ROCK2: variants seen among roughly 807,000 people sequenced by gnomAD.
The protein encoded by ROCK2 is rho-associated protein kinase 2.
A neutral mutation model predicts 195.1 loss-of-function variants in ROCK2; 61 were observed. The observed-to-expected ratio is 0.31, with a 90% confidence interval of 0.25 to 0.39. ROCK2 has a LOEUF of 0.39. ROCK2 is among the 10% of genes least tolerant of loss of function. The pLI is 1.00. For synonymous variants in ROCK2, 504 were observed against 545.5 expected, an observed-to-expected ratio of 0.92 and a Z score of 1.06; for missense variants, 1,109 against 1,637.4, an observed-to-expected ratio of 0.68 and a Z score of 5.57.
chr2:11,272,331 T>C (rs1162803144), intron 3 of ROCK2, among the ~76,000 whole-genome samples: 1 of 152,196 alleles, frequency 6.6e-6, no homozygotes, highest in Non-Finnish European at 1.5e-5. Context: ...ACACACACAA[T>C]TATAAAGTCC....
chr2:11,260,446 TCC>T, intron 3 of ROCK2, among the ~76,000 whole-genome samples: 1 of 49,318 alleles, frequency 2.0e-5, no homozygotes. Flanking sequence ...AGACTCTGTC[TCC>T]AAAAAAAAAA....
chr2:11,264,804 A>C (rs185825115), intron 3 of ROCK2, among the ~76,000 whole-genome samples: 64 of 152,306 alleles, frequency 4.2e-4, no homozygotes, highest in Non-Finnish European at 8.2e-4. Context: ...AGAGCCTGTA[A>C]AGAAAAAATC....
At chr2:11,257,188 C>T (rs150346811) in intron 3 of ROCK2, among the ~76,000 whole-genome samples, 1 of 151,402 alleles carries the variant, frequency 6.6e-6, no homozygotes, top group Non-Finnish European at 1.5e-5. Flanking sequence ...GGCTGGTATG[C>T]GCTGGGCAGC....
chr2:11,336,396 T>G, intron 1 of ROCK2, among the ~76,000 whole-genome samples: 1 of 152,156 alleles, frequency 6.6e-6, no homozygotes, highest in East Asian at 1.9e-4. Flanking sequence ...ATCACAAGTT[T>G]GTGCCACCAT....
rs1237710966 is a variant in ROCK2 at position 11,188,399 on chromosome 2, C to T, written c.4163+3749G>A. Reference sequence around the variant, plus strand: ...TGCTGGGATTACAGGTGTGAGCCACCGCGCCCAGCCCAGACTGGTATATTT... The same window carrying T: ...TGCTGGGATTACAGGTGTGAGCCACTGCGCCCAGCCCAGACTGGTATATTT... On this transcript the variant is annotated intron_variant, in intron 32 of 32. Transcript: ENST00000315872. 7.9e-5 allele frequency among the ~76,000 whole-genome samples: 12 copies of T among 151,874 alleles called. No homozygotes were observed. The South Asian group carries it at 1.9e-3, about 24-fold the overall frequency.
At chr2:11,328,994 C>G (rs1026577983) in intron 1 of ROCK2, among the ~76,000 whole-genome samples, 1 of 151,344 alleles carries the variant, frequency 6.6e-6, no homozygotes, top group Non-Finnish European at 1.5e-5. Flanking sequence ...GTGCAGCACA[C>G]CAGCATGGCA....
At chr2:11,287,451 T>G (rs1264864242) in intron 2 of ROCK2, among the ~76,000 whole-genome samples, 1 of 152,218 alleles carries the variant, frequency 6.6e-6, no homozygotes, top group Non-Finnish European at 1.5e-5. Context: ...GAACTTTATC[T>G]GCTTTGCATA....
At chr2:11,268,466 CTGTG>C (rs938238447) in intron 3 of ROCK2, among the ~76,000 whole-genome samples, 39 of 114,440 alleles carry the variant, frequency 3.4e-4, no homozygotes, top group Middle Eastern at 9.3e-3. Flanking sequence ...AACAGTTTTA[CTGTG>C]TGTGTGTGTT....
chr2:11,253,671 T>G (rs958285687), intron 3 of ROCK2, among the ~76,000 whole-genome samples: 1 of 152,272 alleles, frequency 6.6e-6, no homozygotes, highest in Non-Finnish European at 1.5e-5. Flanking sequence ...CCAAGTACAA[T>G]GCCAGCAATG....
At position 11,218,990 on chromosome 2, in the gene ROCK2, A is replaced by C; in HGVS notation, c.1296T>G (p.Asp432Glu). The change falls in exon 10 of 33, where the codon GAT (aspartate) becomes GAG (glutamate). Residue 432 changes from aspartate to glutamate, a missense_variant. Coordinates refer to ENST00000315872, the MANE Select transcript of ROCK2 (RefSeq NM_004850.5). ...CTTCATTTTTCCTTGATTGTATGGA[A>C]TCAGTTTCTCTACAAGATGGAGAGT... ...LSDSPSCRET[D>E]SIQSRKNEES... 1 of 1,478,302 alleles carries C rather than the reference A, an allele frequency of 6.8e-7. No homozygotes were observed. Among genetic ancestry groups the C allele is most frequent in the Non-Finnish European group, 9.3e-7 (1 of 1,079,038 alleles). 91.6% of individuals were successfully genotyped at this position (1,478,302 alleles called of 1,614,324 possible).
chr2:11,315,893 C>T (rs938671884), intron 1 of ROCK2, among the ~76,000 whole-genome samples: 4 of 152,112 alleles, frequency 2.6e-5, no homozygotes, highest in Admixed American at 2.0e-4. Context: ...ACACTGCAAA[C>T]GTTCTATAAA....
At chr2:11,200,460 T>C (rs1188270447) in intron 23 of ROCK2, among the ~76,000 whole-genome samples, 1 of 152,222 alleles carries the variant, frequency 6.6e-6, no homozygotes, top group Non-Finnish European at 1.5e-5. Context: ...ACTCCCATCA[T>C]ATATACCAAG....
At position 11,183,444 on chromosome 2, in the gene ROCK2, AAAAG is replaced by A; in HGVS notation, c.4164-8_4164-5del. The A allele has an allele frequency of 6.3e-7, 1 of 1,585,844 alleles. No individual in the cohort carries two copies. Among genetic ancestry groups the A allele is most frequent in the South Asian group, 1.1e-5 (1 of 88,574 alleles). On this transcript the variant is annotated splice_region_variant and splice_polypyrimidine_tract_variant and intron_variant, in intron 32 of 32. Coordinates refer to ENST00000315872, the MANE Select transcript of ROCK2 (RefSeq NM_004850.5). ...TGCTTTCATAGAAGGCAGTTAGCTG[AAAAG>A]AAAGGAAAAATAAAGTTAGTTGATA...
intron 1 of ROCK2, among the ~76,000 whole-genome samples, chr2:11,334,473 T>A (rs1374218016): frequency 7.5e-6 from 1 of 133,174 alleles, no homozygotes; most frequent in Non-Finnish European, 1.5e-5. Context: ...ATTGTGCCAC[T>A]GCACTCCAGG....
At chr2:11,200,887 T>C (rs1351052366) in intron 23 of ROCK2, 70 bp downstream of exon 23, 3 of 1,303,018 alleles carry the variant, frequency 2.3e-6, no homozygotes, top group Admixed American at 4.9e-5. Flanking sequence ...TGATACTTAG[T>C]ATGTCTAAAG....
At chr2:11,218,676 C>T (rs1210610114) in intron 10 of ROCK2, among the ~76,000 whole-genome samples, 1 of 152,152 alleles carries the variant, frequency 6.6e-6, no homozygotes, top group African/African-American at 2.4e-5. Flanking sequence ...TTATAGAAGT[C>T]AATTTTCTAA....
chr2:11,245,236 GTAT>G (rs903486989), intron 4 of ROCK2, among the ~76,000 whole-genome samples: 19 of 148,472 alleles, frequency 1.3e-4, no homozygotes, highest in African/African-American at 3.7e-4. Context: ...TATAAATCAT[GTAT>G]TATTTATAAA....
At chr2:11,265,433 A>G (rs551185922) in intron 3 of ROCK2, among the ~76,000 whole-genome samples, 1 of 152,284 alleles carries the variant, frequency 6.6e-6, no homozygotes, top group South Asian at 2.1e-4. Flanking sequence ...TTTCAAGGGA[A>G]ATTTTCATAA....
In ROCK2 at chr2:11,198,882, T is replaced by C. The variant is rs1040815613; in HGVS notation, c.2911-108A>G. ...AGAATATTGTTAAACCTCTTATTTT[T>C]CTTTTTTTTTTTTTTTTGAGACAGA... On this transcript the variant is annotated intron_variant, in intron 23 of 32. Transcript: ENST00000315872. The C allele has an allele frequency of 5.4e-5, 33 of 608,040 alleles. No individual in the cohort carries two copies. In the African/African-American group the frequency reaches 7.1e-4, roughly 13 times the overall value. 37.7% of individuals were successfully genotyped at this position (608,040 alleles called of 1,614,324 possible). A position where few individuals can be genotyped will look rare whatever the true frequency, so the allele number is the denominator to read the frequency against.
Sources: gnomAD v4.1 joint callset for allele counts (sites outside exome capture counted in the v4.1 genomes callset) on GRCh38, gnomAD v4.1.1 for gene constraint, MANE v1.5 for transcripts, NCBI Gene and HGNC (gene_info 2026-07-23, HGNC 2026-07-21) for gene names.